Variants in ZCCHC7 observed in about 807,000 individuals in gnomAD.
ZCCHC7 encodes the protein zinc finger CCHC domain-containing protein 7.
Under a neutral mutation model 52.0 loss-of-function variants are expected in ZCCHC7, and 35 were observed. The observed-to-expected ratio is 0.67, with a 90% confidence interval of 0.51 to 0.89. ZCCHC7 has a LOEUF of 0.89. Among genes scored for constraint, ZCCHC7 ranks in the 40% least tolerant of loss-of-function variants. The pLI, the probability that ZCCHC7 is intolerant of heterozygous loss-of-function variation, is 0.00. For missense variants in ZCCHC7, 574 were observed against 649.1 expected, an observed-to-expected ratio of 0.88 and a Z score of 1.26; for synonymous variants, 217 against 221.5, an observed-to-expected ratio of 0.98 and a Z score of 0.18.
At chr9:37,179,327 C>T (rs1822225020) in intron 2 of ZCCHC7, among the ~76,000 whole-genome samples, 1 of 152,080 alleles carries the variant, frequency 6.6e-6, no homozygotes, top group African/African-American at 2.4e-5. Context: ...AGTGGGTGAA[C>T]AATACCCTGT....
At position 37,176,052 on chromosome 9, in the gene ZCCHC7, GTTTT is replaced by G. The variant is rs1283146774; in HGVS notation, c.610+49112_610+49115del. ...GACAAATATTTCTTAAGCCTCATTT[GTTTT>G]TGTTTGTTTGTTTGTTTGTTTGTTT... On this transcript the variant is annotated intron_variant, in intron 2 of 8. Coordinates refer to ENST00000336755, the MANE Select transcript of ZCCHC7 (RefSeq NM_032226.3). 2.0e-5 allele frequency among the ~76,000 whole-genome samples: 3 copies of G among 147,074 alleles called. No homozygotes were observed. In the East Asian group the frequency reaches 5.9e-4, roughly 29 times the overall value.
At chr9:37,174,398 G>GT (rs1366564682) in intron 2 of ZCCHC7, among the ~76,000 whole-genome samples, 1 of 152,136 alleles carries the variant, frequency 6.6e-6, no homozygotes, top group Non-Finnish European at 1.5e-5. Flanking sequence ...TGCAAAGTAT[G>GT]TTTTTTAAAA....
rs750964449 is a variant in ZCCHC7 at position 37,354,847 on chromosome 9, A to G, written c.1198+23A>G. On this transcript the variant is annotated intron_variant, in intron 8 of 8. Coordinates refer to ENST00000336755, the MANE Select transcript of ZCCHC7 (RefSeq NM_032226.3). The surrounding 1 kb of genome is among the most constrained non-coding windows in gnomAD (Gnocchi z 4.0). ...AAGGTATGTTGCTAGACTTCTTGTT[A>G]GATCACATTTGCAGTAGTTTCTAAA... 6.7e-7 allele frequency: 1 copy of G among 1,486,224 alleles called. No homozygotes were observed. Among genetic ancestry groups the G allele is most frequent in the Non-Finnish European group, 9.3e-7 (1 of 1,073,000 alleles). 92.1% of individuals were successfully genotyped at this position (1,486,224 alleles called of 1,614,324 possible).
rs543547264 is a variant in ZCCHC7, at chr9:37,258,044, C to T, written c.611-44144C>T. ...ATTCTAGTTCATAAGTATAAAAGCC[C>T]TGGATGAGAAATTGATCTGAGGAAA... On this transcript the variant is annotated intron_variant, in intron 2 of 8. Coordinates refer to ENST00000336755, the MANE Select transcript of ZCCHC7 (RefSeq NM_032226.3). 1.0e-3 allele frequency among the ~76,000 whole-genome samples: 157 copies of T among 152,218 alleles called. 1 individual carries two copies. In the Middle Eastern group the frequency reaches 0.017, roughly 16 times the overall value.
At chr9:37,296,881 T>TTGTGTGTGTGTGTGTGTGTGTGTG (rs56378965) in intron 2 of ZCCHC7, among the ~76,000 whole-genome samples, 22 of 124,204 alleles carry the variant, frequency 1.8e-4, no homozygotes, top group Admixed American at 4.3e-4. Context: ...CCTGGCTAGT[T>TTGTGTGTGTGTGTGTGTGTGTGTG]TGTGTGTGTG....
At chr9:37,240,912 T>C (rs1825847104) in intron 2 of ZCCHC7, among the ~76,000 whole-genome samples, 1 of 151,880 alleles carries the variant, frequency 6.6e-6, no homozygotes, top group African/African-American at 2.4e-5. Context: ...GAGATAGATA[T>C]TTGTTAATGT....
chr9:37,154,684 G>T (rs534501988), intron 2 of ZCCHC7, among the ~76,000 whole-genome samples: 172 of 151,596 alleles, frequency 1.1e-3, no homozygotes, highest in African/African-American at 4.0e-3. Flanking sequence ...AAATAGGGAC[G>T]AGGTTTTGCC....
At chr9:37,179,987 A>T (rs555854388) in intron 2 of ZCCHC7, among the ~76,000 whole-genome samples, 3 of 152,294 alleles carry the variant, frequency 2.0e-5, no homozygotes, top group Middle Eastern at 3.4e-3. Context: ...GGCATTTTTC[A>T]TCAAGTGATT....
chr9:37,352,383 T>C (rs950410570), intron 7 of ZCCHC7, among the ~76,000 whole-genome samples: 1 of 152,092 alleles, frequency 6.6e-6, no homozygotes, highest in Non-Finnish European at 1.5e-5. Flanking sequence ...CAGTAGTCAC[T>C]GTACAAAGAT....
chr9:37,216,716 G>A (rs1824526678), intron 2 of ZCCHC7, among the ~76,000 whole-genome samples: 1 of 152,010 alleles, frequency 6.6e-6, no homozygotes, highest in Non-Finnish European at 1.5e-5. Context: ...ATCTTATAGG[G>A]AGAGCATTAT....
Position 37,274,294 on chromosome 9 carries a change from A to G in ZCCHC7, c.611-27894A>G, listed in dbSNP as rs373532223. ...TTATGCTTGGCTTTCATGAGTGTAT[A>G]GTGATATAATTTTATGAAAATTACC... On this transcript the variant is annotated intron_variant, in intron 2 of 8. Transcript: ENST00000336755. 4.4e-4 allele frequency among the ~76,000 whole-genome samples: 63 copies of G among 144,810 alleles called. 1 individual carries two copies. In the South Asian group the frequency reaches 0.014, roughly 31 times the overall value.
chr9:37,336,785 T>G (rs1830684001), intron 6 of ZCCHC7, among the ~76,000 whole-genome samples: 1 of 152,242 alleles, frequency 6.6e-6, no homozygotes, highest in Admixed American at 6.5e-5. Context: ...GATTTACACA[T>G]TTATGTGTTC....
chr9:37,323,210 TTTTAC>T (rs1363565267), intron 5 of ZCCHC7, among the ~76,000 whole-genome samples: 1 of 152,218 alleles, frequency 6.6e-6, no homozygotes, highest in Non-Finnish European at 1.5e-5. Context: ...TCTTACAAGG[TTTTAC>T]TTTACATTAC....
At chr9:37,151,736 C>T (rs749305076) in intron 2 of ZCCHC7, among the ~76,000 whole-genome samples, 2 of 151,940 alleles carry the variant, frequency 1.3e-5, no homozygotes, top group Non-Finnish European at 2.9e-5. Flanking sequence ...ACCTGGGAGG[C>T]GGAGGTTGCA....
chr9:37,349,555 T>A, intron 7 of ZCCHC7, 103 bp downstream of exon 7: 1 of 1,112,748 alleles, frequency 9.0e-7, no homozygotes, highest in South Asian at 1.5e-5. Context: ...TACTTTTTAA[T>A]AAACATTAAA....
intron 2 of ZCCHC7, among the ~76,000 whole-genome samples, chr9:37,180,337 A>G (rs1163923091): frequency 6.6e-6 from 1 of 152,166 alleles, no homozygotes; most frequent in Non-Finnish European, 1.5e-5. Context: ...CTAGGGGGAA[A>G]AAAGACATTG....
At chr9:37,310,276 C>T (rs2133744542) in intron 5 of ZCCHC7, among the ~76,000 whole-genome samples, 1 of 152,314 alleles carries the variant, frequency 6.6e-6, no homozygotes, top group East Asian at 1.9e-4. Context: ...TCTGAATCTG[C>T]TATAGTTTCT....
intron 5 of ZCCHC7, among the ~76,000 whole-genome samples, chr9:37,319,454 G>T (rs531767038): frequency 6.6e-6 from 1 of 152,160 alleles, no homozygotes; most frequent in African/African-American, 2.4e-5. Context: ...TTGAGACAGG[G>T]TCTTACTCTG....
intron 2 of ZCCHC7, among the ~76,000 whole-genome samples, chr9:37,227,111 A>G (rs183209026): frequency 9.5e-4 from 144 of 152,280 alleles, no homozygotes; most frequent in African/African-American, 3.3e-3. Context: ...CAAGCTATAA[A>G]AAGAAAAATA....
Sources: allele counts gnomAD v4.1 joint callset (sites outside exome capture counted in the v4.1 genomes callset), GRCh38; gene constraint gnomAD v4.1.1; non-coding constraint Gnocchi (gnomAD v3.1); transcripts MANE v1.5; gene names NCBI Gene and HGNC (gene_info 2026-07-23, HGNC 2026-07-21).